FOXP2: variants seen among roughly 807,000 people sequenced by gnomAD.
FOXP2 encodes forkhead box P2, also known as forkhead box protein P2.
In FOXP2, 12 loss-of-function variants were observed where a neutral mutation model predicts 115.8. That is an observed-to-expected ratio of 0.10 (90% CI 0.07 to 0.17). The LOEUF is 0.17. FOXP2 is among the 10% of genes least tolerant of loss of function. The probability of loss-of-function intolerance (pLI) is 1.00; values close to 1 mark genes in which losing one functional copy is unlikely to be tolerated. For missense variants in FOXP2, 629 were observed against 843.5 expected (o/e 0.75, Z 3.15); for synonymous variants, 328 against 297.7 (o/e 1.10, Z -1.05).
chr7:114,091,832 T>C (rs551656196), intron 1 of FOXP2, among the ~76,000 whole-genome samples: 1 of 152,112 alleles, frequency 6.6e-6, no homozygotes, highest in Admixed American at 6.5e-5. Context: ...AAATCATCTA[T>C]GGGGTTTAGG....
chr7:114,681,564 A>G (rs1808082331), intron 16 of FOXP2, among the ~76,000 whole-genome samples: 1 of 152,196 alleles, frequency 6.6e-6, no homozygotes. Context: ...AGGAGAATAA[A>G]TGTAGGAGCA....
intron 1 of FOXP2, among the ~76,000 whole-genome samples, chr7:114,186,253 C>A (rs1793603534): frequency 6.6e-6 from 1 of 152,092 alleles, no homozygotes; most frequent in Admixed American, 6.6e-5. Context: ...TTAATTTGTT[C>A]CAGCATCAAC....
intron 2 of FOXP2, among the ~76,000 whole-genome samples, chr7:114,312,004 G>A (rs564705903): frequency 7.9e-5 from 12 of 152,234 alleles, no homozygotes; most frequent in African/African-American, 2.6e-4. Flanking sequence ...GGTGGGGCAG[G>A]AGGAGGTTGC....
intron 2 of FOXP2, among the ~76,000 whole-genome samples, chr7:114,302,713 A>G (rs1280690187): frequency 6.6e-6 from 1 of 152,168 alleles, no homozygotes; most frequent in Non-Finnish European, 1.5e-5. Context: ...AGATGATAGA[A>G]TAATCATTCC....
At chr7:114,443,569 C>T (rs1794701349) in intron 2 of FOXP2, among the ~76,000 whole-genome samples, 1 of 152,114 alleles carries the variant, frequency 6.6e-6, no homozygotes, top group African/African-American at 2.4e-5. Context: ...TAGTTCTCAG[C>T]CTTCTCCCAC....
rs182233681 is a variant in FOXP2, at chr7:114,418,870, A to G, written c.-11+3510A>G. 7.9e-5 allele frequency among the ~76,000 whole-genome samples: 12 copies of G among 152,070 alleles called. No individual in the cohort carries two copies. The East Asian group carries it at 2.3e-3, about 30-fold the overall frequency. The stretch of plus-strand genomic sequence containing the variant: ...CCTTCTGATTCTTCTGTAAGAACTC[A>G]TAATGACTTTCTTCTAAATTGGAAT... On this transcript the variant is annotated intron_variant, in intron 1 of 16. Coordinates refer to ENST00000350908, the MANE Select transcript of FOXP2 (RefSeq NM_014491.4).
intron 1 of FOXP2, among the ~76,000 whole-genome samples, chr7:114,223,492 T>A (rs978476707): frequency 2.1e-3 from 301 of 145,974 alleles, no homozygotes; most frequent in Non-Finnish European, 3.0e-3. Context: ...ATATACATTA[T>A]ATATATATTA....
At chr7:114,216,981 G>A (rs546294469) in intron 1 of FOXP2, among the ~76,000 whole-genome samples, 6 of 152,190 alleles carry the variant, frequency 3.9e-5, no homozygotes, top group Admixed American at 1.3e-4. Flanking sequence ...TGACATTAAA[G>A]TCCTTCTAAT....
At chr7:114,229,319 G>A (rs1794815480) in intron 1 of FOXP2, among the ~76,000 whole-genome samples, 1 of 151,374 alleles carries the variant, frequency 6.6e-6, no homozygotes. Flanking sequence ...TACAGTAGTA[G>A]GAAATTTCAG....
At chr7:114,145,652 T>C (rs1183288774) in intron 1 of FOXP2, among the ~76,000 whole-genome samples, 3 of 151,980 alleles carry the variant, frequency 2.0e-5, no homozygotes, top group Admixed American at 6.6e-5. Flanking sequence ...ACTATAGCTT[T>C]GCCATTTCTA....
chr7:114,112,875 G>A (rs1416625676), intron 1 of FOXP2, among the ~76,000 whole-genome samples: 3 of 152,078 alleles, frequency 2.0e-5, no homozygotes, highest in Non-Finnish European at 4.4e-5. Flanking sequence ...AGTGGCCTGG[G>A]AGAACATGAG....
intron 3 of FOXP2, among the ~76,000 whole-genome samples, chr7:114,536,236 A>T (rs1181626641): frequency 6.6e-6 from 1 of 151,490 alleles, no homozygotes; most frequent in Non-Finnish European, 1.5e-5. Context: ...TGTCTAAAAA[A>T]CACTATATAT....
At chr7:114,548,842 A>G (rs1337786355) in intron 3 of FOXP2, among the ~76,000 whole-genome samples, 1 of 152,212 alleles carries the variant, frequency 6.6e-6, no homozygotes, top group East Asian at 1.9e-4. Context: ...ACGTTTGCAT[A>G]TTTTGCAAGT....
chr7:114,094,651 T>C (rs1455223206), intron 1 of FOXP2, among the ~76,000 whole-genome samples: 1 of 152,136 alleles, frequency 6.6e-6, no homozygotes, highest in Non-Finnish European at 1.5e-5. Context: ...TTTTCCTCTT[T>C]TAAAAAATTA....
At chr7:114,101,306 A>G (rs1790948839) in intron 1 of FOXP2, among the ~76,000 whole-genome samples, 1 of 152,168 alleles carries the variant, frequency 6.6e-6, no homozygotes, top group Admixed American at 6.5e-5. Context: ...CTCTGCTAAC[A>G]AGACATGCAG....
At chr7:114,554,108 C>T (rs1800341071) in intron 3 of FOXP2, among the ~76,000 whole-genome samples, 1 of 152,020 alleles carries the variant, frequency 6.6e-6, no homozygotes, top group African/African-American at 2.4e-5. Context: ...GCTTATTCCT[C>T]TTTAATATTA....
chr7:114,267,915 C>A (rs1650101052), intron 1 of FOXP2, among the ~76,000 whole-genome samples: 1 of 151,798 alleles, frequency 6.6e-6, no homozygotes, highest in Non-Finnish European at 1.5e-5. Flanking sequence ...TTTTTATCTT[C>A]CAAAATTGAA....
At chr7:114,424,202 G>A (rs771437196) in intron 1 of FOXP2, among the ~76,000 whole-genome samples, 2 of 151,110 alleles carry the variant, frequency 1.3e-5, no homozygotes, top group Non-Finnish European at 3.0e-5. Context: ...TTATTTGATG[G>A]CCTTGATTAT....
intron 2 of FOXP2, among the ~76,000 whole-genome samples, chr7:114,312,681 G>T (rs1797175584): frequency 6.6e-6 from 1 of 152,194 alleles, no homozygotes; most frequent in South Asian, 2.1e-4. Flanking sequence ...ATAAGCAACA[G>T]AATTTTTGTG....
Sources: gnomAD v4.1 joint callset for allele counts (sites outside exome capture counted in the v4.1 genomes callset) on GRCh38, gnomAD v4.1.1 for gene constraint, MANE v1.5 for transcripts, NCBI Gene and HGNC (gene_info 2026-07-23, HGNC 2026-07-21) for gene names.